The following TMEM26 variants were observed in gnomAD, a reference collection of about 807,000 sequenced individuals.
TMEM26 encodes the protein transmembrane protein 26.
A neutral mutation model predicts 28.8 loss-of-function variants in TMEM26; 38 were observed. That is an observed-to-expected ratio of 1.32 (90% CI 1.02 to 1.73). TMEM26 has a LOEUF of 1.73. Among genes scored for constraint, TMEM26 ranks in the 40% most tolerant of loss-of-function variants. The pLI, the probability that TMEM26 is intolerant of heterozygous loss-of-function variation, is 0.00. For missense variants in TMEM26, 518 were observed against 447.1 expected (o/e 1.16, Z -1.43); for synonymous variants, 227 against 182.9 (o/e 1.24, Z -1.95).
chr10:61,448,188 C>T (rs1450167793), intron 1 of TMEM26, among the ~76,000 whole-genome samples: 2 of 152,268 alleles, frequency 1.3e-5, no homozygotes, highest in East Asian at 1.9e-4. Flanking sequence ...CCCTACATGG[C>T]CTTCACACAC....
At chr10:61,440,019 C>G (rs1840066380) in intron 1 of TMEM26, among the ~76,000 whole-genome samples, 1 of 152,148 alleles carries the variant, frequency 6.6e-6, no homozygotes, top group South Asian at 2.1e-4. Context: ...GCAGGCAGAT[C>G]ACTTGAGGTC....
At chr10:61,420,805 G>A (rs1458359180) in intron 4 of TMEM26, among the ~76,000 whole-genome samples, 1 of 151,420 alleles carries the variant, frequency 6.6e-6, no homozygotes, top group African/African-American at 2.4e-5. Context: ...AGGTCGAAAG[G>A]AAATTACACC....
intron 1 of TMEM26, among the ~76,000 whole-genome samples, chr10:61,443,719 G>A (rs545036010): frequency 5.9e-5 from 9 of 152,224 alleles, no homozygotes; most frequent in East Asian, 3.9e-4. Context: ...TTTAAAAAAA[G>A]TCATATTCCC....
At chr10:61,436,018 G>A in intron 2 of TMEM26, 152 bp downstream of exon 2, 1 of 419,888 alleles carries the variant, frequency 2.4e-6, no homozygotes, top group Non-Finnish European at 4.2e-6. Context: ...GGCAAATCAT[G>A]GATTCACTTC....
At position 61,453,019 on chromosome 10, in the gene TMEM26, C is replaced by A; in HGVS notation, c.63G>T (p.Leu21=). The change falls in exon 1 of 6, where the codon CTG becomes CTT. Residue 21 remains leucine, a synonymous_variant. Coordinates refer to ENST00000399298, the MANE Select transcript of TMEM26 (RefSeq NM_178505.8). ...ATRLLFLLHS[L]VGVWRVTEVK... is the part of the protein sequence containing the mutation. ...CCTCGGTCACTCGCCAGACCCCGAC[C>A]AGCGAGTGCAGCAGGAACAGCAACC... 2 of 1,613,922 alleles carry A rather than the reference C, an allele frequency of 1.2e-6. No individual in the cohort carries two copies. The highest frequency in any genetic ancestry group is 2.2e-5 in the South Asian group (2 of 91,086).
chr10:61,449,479 G>T (rs1432921207), intron 1 of TMEM26, among the ~76,000 whole-genome samples: 1 of 152,142 alleles, frequency 6.6e-6, no homozygotes, highest in East Asian at 1.9e-4. Flanking sequence ...ACATTCACTG[G>T]ATAAGTGTCA....
At position 61,452,997 on chromosome 10, in the gene TMEM26, C is replaced by G. The variant is rs752801982; in HGVS notation, c.85G>C (p.Glu29Gln). ...CAGTACCGCGGCTCCTTCTTCACCT[C>G]GGTCACTCGCCAGACCCCGACCAGC... ...HSLVGVWRVT[E>Q]VKKEPRYWLL... The change falls in exon 1 of 6, where the codon GAG becomes CAG. Residue 29 changes from glutamate (E) to glutamine (Q), a missense_variant. Glu to Gln is a conservative substitution (Grantham distance 29). Coordinates refer to ENST00000399298, the MANE Select transcript of TMEM26 (RefSeq NM_178505.8). The G allele has an allele frequency of 1.2e-6, 2 of 1,614,028 alleles. No homozygotes were observed. The highest frequency in any genetic ancestry group is 1.7e-6 in the Non-Finnish European group (2 of 1,180,030).
intron 4 of TMEM26, among the ~76,000 whole-genome samples, chr10:61,428,172 T>C (rs1839862273): frequency 6.6e-6 from 1 of 152,072 alleles, no homozygotes; most frequent in Non-Finnish European, 1.5e-5. Context: ...CCAGACTCAT[T>C]CCAATTTATT....
intron 5 of TMEM26, among the ~76,000 whole-genome samples, chr10:61,412,076 G>T (rs1280754383): frequency 6.6e-6 from 1 of 152,132 alleles, no homozygotes; most frequent in Non-Finnish European, 1.5e-5. Flanking sequence ...GAGAAACCAA[G>T]GTTATATCAA....
Position 61,407,341 on chromosome 10 carries a change from T to C in TMEM26, c.*2981A>G, listed in dbSNP as rs1839509307. ...CTATATGGTTCTATAAGGTCTGAAGTGCTATTTGTTAGTGGAACTACAACA... is the reference window on the plus strand; with the variant it reads ...CTATATGGTTCTATAAGGTCTGAAGCGCTATTTGTTAGTGGAACTACAACA... On this transcript the variant is annotated 3_prime_UTR_variant, in exon 6 of 6. Transcript: ENST00000399298. The C allele has an allele frequency of 6.6e-6, 1 of 152,158 alleles. No homozygotes were observed. Among genetic ancestry groups the C allele is most frequent in the Non-Finnish European group, 1.5e-5 (1 of 68,022 alleles). 9.4% of individuals were successfully genotyped at this position (152,158 alleles called of 1,614,324 possible). A position where few individuals can be genotyped will look rare whatever the true frequency, so the allele number is the denominator to read the frequency against.
intron 5 of TMEM26, chr10:61,413,001 G>GA (rs1424400297): frequency 3.2e-6 from 4 of 1,257,794 alleles, no homozygotes; most frequent in East Asian, 5.6e-5. Context: ...ACATGGGTCT[G>GA]AAAAAAGAAT....
chr10:61,420,724 A>T (rs770508882), intron 4 of TMEM26, among the ~76,000 whole-genome samples: 4 of 89,208 alleles, frequency 4.5e-5, no homozygotes, highest in African/African-American at 1.0e-4. Context: ...TTTCCAGATT[A>T]AAAAAAAAAA....
intron 4 of TMEM26, among the ~76,000 whole-genome samples, chr10:61,422,357 A>G (rs937227358): frequency 9.2e-5 from 14 of 152,102 alleles, no homozygotes; most frequent in African/African-American, 3.4e-4. Flanking sequence ...GTAAAGACAC[A>G]TTCATCTCAA....
In TMEM26 at chr10:61,429,121, G is replaced by A; in HGVS notation, c.410C>T (p.Ser137Phe). ...TGTCCAAACTTTCTCACATACTGTA[G>A]ATAAGTTATTCACAAAAACTTTGGC... ...ETAKVFVNNL[S>F]TVCEKVWTLG... Residue 137 changes from serine to phenylalanine, a missense_variant, in exon 4 of 6, where the codon TCT (serine) becomes TTT (phenylalanine). Transcript: ENST00000399298. The A allele has an allele frequency of 3.7e-6, 6 of 1,612,964 alleles. No homozygotes were observed. Among genetic ancestry groups the A allele is most frequent in the Non-Finnish European group, 4.2e-6 (5 of 1,179,322 alleles).
chr10:61,448,988 A>G (rs1840231075), intron 1 of TMEM26, among the ~76,000 whole-genome samples: 1 of 152,184 alleles, frequency 6.6e-6, no homozygotes, highest in Non-Finnish European at 1.5e-5. Context: ...AAGCAGCTGA[A>G]ATGTTGACTT....
intron 4 of TMEM26, among the ~76,000 whole-genome samples, chr10:61,427,678 C>A (rs1336358011): frequency 6.6e-6 from 1 of 152,090 alleles, no homozygotes; most frequent in African/African-American, 2.4e-5. Flanking sequence ...TCCCTCCTTA[C>A]TACCTCTTCT....
intron 4 of TMEM26, among the ~76,000 whole-genome samples, chr10:61,418,846 A>G (rs999800742): frequency 6.6e-6 from 1 of 152,100 alleles, no homozygotes; most frequent in African/African-American, 2.4e-5. Context: ...AACTGCAGGC[A>G]TGTTCAGGGA....
At chr10:61,438,925 A>G (rs374078474) in intron 1 of TMEM26, among the ~76,000 whole-genome samples, 19 of 152,310 alleles carry the variant, frequency 1.2e-4, no homozygotes, top group Middle Eastern at 3.4e-3. Context: ...TATTTGACCT[A>G]ATGAAGAAAG....
chr10:61,420,872 G>A (rs1243926307), intron 4 of TMEM26, among the ~76,000 whole-genome samples: 1 of 151,802 alleles, frequency 6.6e-6, no homozygotes, highest in African/African-American at 2.4e-5. Context: ...ATAAATGTAT[G>A]GGAAATTCAA....
Sources: allele counts gnomAD v4.1 joint callset (sites outside exome capture counted in the v4.1 genomes callset), GRCh38; gene constraint gnomAD v4.1.1; transcripts MANE v1.5; gene names NCBI Gene and HGNC (gene_info 2026-07-23, HGNC 2026-07-21).